Variants in GPHN observed in about 807,000 individuals in gnomAD.
GPHN encodes the protein gephyrin.
GPHN carries 17 observed loss-of-function variants against 95.5 expected under a neutral mutation model. The ratio of observed to expected loss-of-function variants is 0.18; its 90% CI spans 0.12 to 0.27. The LOEUF is 0.27. GPHN is among the 10% of genes least tolerant of loss of function. The pLI is 1.00. For missense variants in GPHN, 660 were observed against 978.1 expected, an observed-to-expected ratio of 0.67 and a Z score of 4.34; for synonymous variants, 320 against 322.5, an observed-to-expected ratio of 0.99 and a Z score of 0.08.
chr14:67,497,551 C>A, the GPHN span, among the ~76,000 whole-genome samples: 1 of 152,118 alleles, frequency 6.6e-6, no homozygotes, highest in African/African-American at 2.4e-5. Flanking sequence ...GACTTTGGAA[C>A]GTTCTACTGG....
intron 9 of GPHN, among the ~76,000 whole-genome samples, chr14:67,008,224 C>T (rs565753873): frequency 3.3e-5 from 5 of 152,014 alleles, no homozygotes; most frequent in South Asian, 2.1e-4. Context: ...GAGGCCAAGG[C>T]GGGCGGATCA....
rs143201112 is a variant in GPHN, at chr14:67,151,788, C to T, written c.1837-7627C>T. ...CCCCACAAGTAGCTGGGATCACAGG[C>T]GCATGCCATCATGCCTGGCTAATTT... On this transcript the variant is annotated intron_variant, in intron 18 of 22. Coordinates refer to ENST00000478722, the MANE Select transcript of GPHN (RefSeq NM_020806.5). 3.0e-3 allele frequency among the ~76,000 whole-genome samples: 455 copies of T among 152,218 alleles called. 3 individuals are homozygous for T. Among genetic ancestry groups the T allele is most frequent in the African/African-American group, 0.011 (437 of 41,520 alleles).
intron 11 of GPHN, among the ~76,000 whole-genome samples, chr14:67,072,129 T>C (rs1479106708): frequency 1.3e-5 from 2 of 152,158 alleles, no homozygotes; most frequent in Non-Finnish European, 2.9e-5. Flanking sequence ...TGAAGTTCCT[T>C]AGTCTATAGA....
At chr14:67,517,509 T>C in the GPHN span, among the ~76,000 whole-genome samples, 1 of 152,196 alleles carries the variant, frequency 6.6e-6, no homozygotes, top group Non-Finnish European at 1.5e-5. Context: ...ATAATATTAA[T>C]ATTTTCATCC....
chr14:67,657,462 G>T, the GPHN span, among the ~76,000 whole-genome samples: 3 of 152,082 alleles, frequency 2.0e-5, no homozygotes, highest in African/African-American at 7.2e-5. Context: ...AATCCCCACC[G>T]AAGTTTTACT....
chr14:66,954,758 A>G (rs1237935014), intron 8 of GPHN, among the ~76,000 whole-genome samples: 1 of 152,186 alleles, frequency 6.6e-6, no homozygotes, highest in Non-Finnish European at 1.5e-5. Flanking sequence ...GGTTTTGTCT[A>G]GATGCCTCTA....
chr14:67,493,445 A>G, the GPHN span, among the ~76,000 whole-genome samples: 1 of 152,296 alleles, frequency 6.6e-6, no homozygotes, highest in Admixed American at 6.5e-5. Context: ...TGTGTTAGGG[A>G]TAAAAACCCC....
chr14:66,662,651 C>T (rs931731487), intron 1 of GPHN, among the ~76,000 whole-genome samples: 2 of 152,164 alleles, frequency 1.3e-5, no homozygotes, highest in Non-Finnish European at 1.5e-5. Flanking sequence ...AAGTAGACTT[C>T]GGAATGTGGA....
At chr14:67,437,514 G>A in the GPHN span, among the ~76,000 whole-genome samples, 1 of 152,088 alleles carries the variant, frequency 6.6e-6, no homozygotes, top group Non-Finnish European at 1.5e-5. Flanking sequence ...CAAGTGACAC[G>A]GTCTGATTTC....
At chr14:67,729,261 G>C in the GPHN span, 1 of 1,607,782 alleles carries the variant, frequency 6.2e-7, no homozygotes, top group Non-Finnish European at 8.5e-7. Flanking sequence ...ACTCCTCCCT[G>C]CTCTGCCTGC....
the GPHN span, among the ~76,000 whole-genome samples, chr14:67,203,775 C>T: frequency 1.2e-4 from 19 of 152,316 alleles, no homozygotes; most frequent in East Asian, 2.5e-3. Context: ...TGCAATGGCA[C>T]GATCTTGGCT....
the GPHN span, among the ~76,000 whole-genome samples, chr14:67,596,552 CT>C: frequency 6.6e-6 from 1 of 152,044 alleles, no homozygotes; most frequent in Admixed American, 6.6e-5. Context: ...TCTTATTATT[CT>C]TTGCACTGAC....
the GPHN span, chr14:67,312,692 C>G: frequency 2.5e-6 from 4 of 1,608,956 alleles, no homozygotes; most frequent in East Asian, 2.2e-5. Flanking sequence ...TAATCAACCT[C>G]TAGCCGGGCT....
the GPHN span, among the ~76,000 whole-genome samples, chr14:67,448,716 C>T: frequency 0.01 from 1,588 of 152,186 alleles, 29 homozygotes; most frequent in African/African-American, 0.036. Flanking sequence ...TTCAGTGTCA[C>T]GCTCTCAGCA....
chr14:67,630,808 C>T, the GPHN span, among the ~76,000 whole-genome samples: 1 of 152,130 alleles, frequency 6.6e-6, no homozygotes, highest in Non-Finnish European at 1.5e-5. Context: ...TGGTCTGGAA[C>T]TCCTGACCTT....
chr14:67,266,556 C>A, the GPHN span, among the ~76,000 whole-genome samples: 1 of 152,004 alleles, frequency 6.6e-6, no homozygotes, highest in Admixed American at 6.5e-5. Context: ...AAACTGCTGA[C>A]CTCAAGTGAT....
At chr14:66,981,311 A>C (rs539949097) in intron 9 of GPHN, among the ~76,000 whole-genome samples, 95 of 152,192 alleles carry the variant, frequency 6.2e-4, no homozygotes, top group African/African-American at 2.2e-3. Context: ...ACTTATCTTA[A>C]TAAATCACAA....
intron 9 of GPHN, chr14:66,969,244 G>A (rs1243776876): frequency 6.6e-6 from 1 of 152,102 alleles, no homozygotes; most frequent in Non-Finnish European, 1.5e-5. Context: ...TGACAGTGAA[G>A]TATCTTTCAA....
intron 1 of GPHN, among the ~76,000 whole-genome samples, chr14:66,633,919 G>C (rs1411631961): frequency 6.6e-6 from 1 of 150,382 alleles, no homozygotes; most frequent in Non-Finnish European, 1.5e-5. Context: ...CATTGGTTTG[G>C]GAAAAGATTT....
Sources: allele counts gnomAD v4.1 joint callset (sites outside exome capture counted in the v4.1 genomes callset), GRCh38; gene constraint gnomAD v4.1.1; transcripts MANE v1.5; gene names NCBI Gene and HGNC (gene_info 2026-07-23, HGNC 2026-07-21).